Variants in MIR2052HG observed in about 807,000 individuals in gnomAD.
MIR2052HG encodes the protein MIR2052 host gene.
chr8:74,643,309 G>C (rs1389992719), intron 2 of MIR2052HG, among the ~76,000 whole-genome samples: 1 of 151,802 alleles, frequency 6.6e-6, no homozygotes, highest in East Asian at 1.9e-4. Context: ...GTGGTTTCTT[G>C]GACTTCTTCA....
intron 2 of MIR2052HG, among the ~76,000 whole-genome samples, chr8:74,663,983 G>A (rs1243826284): frequency 6.6e-6 from 1 of 152,054 alleles, no homozygotes; most frequent in African/African-American, 2.4e-5. Flanking sequence ...ATCCTCCAGT[G>A]GAGCTGGAGG....
chr8:74,752,281 CAAAAAAA>C (rs34347449), intron 4 of MIR2052HG, among the ~76,000 whole-genome samples: 1 of 79,382 alleles, frequency 1.3e-5, no homozygotes, highest in African/African-American at 5.3e-5. Flanking sequence ...GATCCTGTCT[CAAAAAAA>C]AAAAAAAAAA....
intron 4 of MIR2052HG, among the ~76,000 whole-genome samples, chr8:74,737,104 C>T (rs771300199): frequency 1.6e-4 from 24 of 152,166 alleles, no homozygotes; most frequent in Non-Finnish European, 3.2e-4. Flanking sequence ...GGACTAATTG[C>T]GGGTGGAATC....
At chr8:74,684,101 G>C (rs533132188) in intron 2 of MIR2052HG, among the ~76,000 whole-genome samples, 1 of 152,046 alleles carries the variant, frequency 6.6e-6, no homozygotes, top group Non-Finnish European at 1.5e-5. Context: ...CAGAGGTCCC[G>C]GTGTCCTTGA....
intron 2 of MIR2052HG, among the ~76,000 whole-genome samples, chr8:74,615,313 G>A (rs2128731866): frequency 6.6e-6 from 1 of 152,270 alleles, no homozygotes; most frequent in Non-Finnish European, 1.5e-5. Flanking sequence ...ATGTCATCCT[G>A]AGAGTAGCTC....
At chr8:74,661,718 G>A (rs775730323) in intron 2 of MIR2052HG, among the ~76,000 whole-genome samples, 1 of 152,110 alleles carries the variant, frequency 6.6e-6, no homozygotes, top group South Asian at 2.1e-4. Flanking sequence ...GCATTCATCT[G>A]AACCAAGAAA....
chr8:74,601,855 A>G (rs1217993246), intron 1 of MIR2052HG, among the ~76,000 whole-genome samples: 4 of 152,232 alleles, frequency 2.6e-5, no homozygotes, highest in Non-Finnish European at 5.9e-5. Context: ...ATCATATTTA[A>G]GTGAATAAAT....
In MIR2052HG at chr8:74,635,182, T is replaced by A. The variant is rs192441876; in HGVS notation, n.216+22242T>A. On this transcript the variant is annotated intron_variant and non_coding_transcript_variant, in intron 2 of 6. Coordinates refer to ENST00000523442, the Ensembl canonical transcript of MIR2052HG. ...TCCACAATTGTAGAATTATGAAATA[T>A]TTATGGGTACCTATTATGTGCAAAT... Among the ~76,000 whole-genome samples the A allele has an allele frequency of 5.9e-5, 9 of 152,168 alleles. No individual in the cohort carries two copies. In the East Asian group the frequency reaches 1.7e-3, roughly 29 times the overall value.
chr8:74,693,402 C>A (rs1201971490), intron 2 of MIR2052HG, among the ~76,000 whole-genome samples: 1 of 151,988 alleles, frequency 6.6e-6, no homozygotes, highest in African/African-American at 2.4e-5. Flanking sequence ...TAATTTCGAT[C>A]TAATGTGAAG....
chr8:74,701,345 G>A (rs556220640), intron 2 of MIR2052HG, among the ~76,000 whole-genome samples: 107 of 152,206 alleles, frequency 7.0e-4, no homozygotes, highest in African/African-American at 2.5e-3. Flanking sequence ...AATGTAGTAA[G>A]CATTTGGTTA....
intron 4 of MIR2052HG, among the ~76,000 whole-genome samples, chr8:74,750,920 T>C (rs986099189): frequency 1.3e-5 from 2 of 152,194 alleles, no homozygotes; most frequent in East Asian, 1.9e-4. Context: ...ATAGAGGGGA[T>C]GAAGGACAGA....
intron 3 of MIR2052HG, among the ~76,000 whole-genome samples, chr8:74,703,375 T>C (rs1809376770): frequency 2.0e-5 from 3 of 152,070 alleles, no homozygotes; most frequent in Admixed American, 6.6e-5. Flanking sequence ...AAGAAACCTA[T>C]GGTCTTTTAC....
chr8:74,745,193 G>A (rs544169939), intron 4 of MIR2052HG, among the ~76,000 whole-genome samples: 1 of 152,146 alleles, frequency 6.6e-6, no homozygotes, highest in South Asian at 2.1e-4. Context: ...AGCCCAGAAA[G>A]TCGAGGCTGC....
intron 2 of MIR2052HG, among the ~76,000 whole-genome samples, chr8:74,639,531 C>T (rs73337264): frequency 0.024 from 3,691 of 152,180 alleles, 137 homozygotes; most frequent in African/African-American, 0.08. Flanking sequence ...TTTATCTTTG[C>T]AGAATTTTAA....
Position 74,602,821 on chromosome 8 carries a change from C to CTTTCTTTCTTTCTTTCTTTCTTTCTTTCT in MIR2052HG, n.128+2916_128+2944dup, listed in dbSNP as rs1563508404. On this transcript the variant is annotated intron_variant and non_coding_transcript_variant, in intron 1 of 6. Coordinates refer to ENST00000523442, the Ensembl canonical transcript of MIR2052HG. Reference sequence around the variant, plus strand: ...TGAGCTGCCATGCCCGGCCGTGTTTCTTTCTTTCTTTCTTTCTTTCTTTCT... The same window carrying CTTTCTTTCTTTCTTTCTTTCTTTCTTTCT: ...TGAGCTGCCATGCCCGGCCGTGTTTCTTTCTTTCTTTCTTTCTTTCTTTCTTTCTTTTCTTTCTTTCTTTCTTTCTTTCT... Among the ~76,000 whole-genome samples, 4 of 115,240 alleles carry CTTTCTTTCTTTCTTTCTTTCTTTCTTTCT rather than the reference C, an allele frequency of 3.5e-5. No homozygotes were observed. The East Asian group carries it at 1.1e-3, about 31-fold the overall frequency. 75.6% of individuals were successfully genotyped at this position (115,240 alleles called of 152,430 possible).
In MIR2052HG at chr8:74,724,142, A is replaced by G. The variant is rs561633058; in HGVS notation, n.371+20460A>G. On this transcript the variant is annotated intron_variant and non_coding_transcript_variant, in intron 4 of 6. Transcript: ENST00000523442. ...GCCTCGTTTCATTTCAAAAGTTATT[A>G]TCAACCTCAAAATTGTCTAATAAAC... is the stretch of plus-strand genomic sequence containing the variant. Among the ~76,000 whole-genome samples, 11 of 152,284 alleles carry G rather than the reference A, an allele frequency of 7.2e-5. No homozygotes were observed. The South Asian group carries it at 2.1e-3, about 29-fold the overall frequency.
In MIR2052HG at chr8:74,749,275, G is replaced by A. The variant is rs1809919177; in HGVS notation, n.372-3166G>A. Among the ~76,000 whole-genome samples, 3 of 152,028 alleles carry A rather than the reference G, an allele frequency of 2.0e-5. No individual in the cohort carries two copies. In the South Asian group the frequency reaches 6.2e-4, roughly 32 times the overall value. On this transcript the variant is annotated intron_variant and non_coding_transcript_variant, in intron 4 of 6. Coordinates refer to ENST00000523442, the Ensembl canonical transcript of MIR2052HG. The stretch of plus-strand genomic sequence containing the variant: ...TGACAAAACCATGATTGTTGATGCT[G>A]TAATTCATTTAGATTCTCTTTTATG...
chr8:74,688,078 T>C (rs1274761135), intron 2 of MIR2052HG, among the ~76,000 whole-genome samples: 2 of 152,186 alleles, frequency 1.3e-5, no homozygotes, highest in South Asian at 2.1e-4. Flanking sequence ...AGAACATACT[T>C]TGGGCTGCGT....
At chr8:74,712,310 G>A (rs538596195) in intron 4 of MIR2052HG, among the ~76,000 whole-genome samples, 46 of 152,244 alleles carry the variant, frequency 3.0e-4, no homozygotes, top group Middle Eastern at 6.8e-3. Context: ...TGGAACTTGA[G>A]CAATGGTGAA....
Sources: gnomAD v4.1 joint callset for allele counts (sites outside exome capture counted in the v4.1 genomes callset) on GRCh38, gnomAD v4.1.1 for gene constraint, MANE v1.5 for transcripts, NCBI Gene and HGNC (gene_info 2026-07-23, HGNC 2026-07-21) for gene names.